Variants in GFRA2 observed in about 807,000 individuals in gnomAD.
GFRA2 encodes GDNF family receptor alpha 2.
In GFRA2, 17 loss-of-function variants were observed where a neutral mutation model predicts 48.3. The observed-to-expected ratio is 0.35, with a 90% CI of 0.24 to 0.53. The LOEUF (loss-of-function observed/expected upper bound fraction) is 0.53, where lower values mean the gene tolerates loss of function less well. Ranked by LOEUF, GFRA2 falls within the 20% of genes least tolerant of loss-of-function variation. GFRA2 has a pLI of 0.93. For missense variants in GFRA2, 660 were observed against 637.3 expected (o/e 1.04, Z -0.38); for synonymous variants, 305 against 257.2 (o/e 1.19, Z -1.78).
intron 4 of GFRA2, among the ~76,000 whole-genome samples, chr8:21,737,574 C>G (rs1343882896): frequency 6.6e-6 from 1 of 152,074 alleles, no homozygotes; most frequent in Non-Finnish European, 1.5e-5. Context: ...AAGCTCCAAC[C>G]TTACGCGCAC....
intron 2 of GFRA2, among the ~76,000 whole-genome samples, chr8:21,781,487 C>CT (rs902676200): frequency 1.3e-5 from 2 of 152,194 alleles, no homozygotes; most frequent in African/African-American, 2.4e-5. Context: ...TTTCGTGACT[C>CT]TGACTCACCC....
rs1221409991 is a variant in GFRA2, at chr8:21,788,532, C to T, written c.-373G>A. On this transcript the variant is annotated 5_prime_UTR_variant, in exon 1 of 9. Transcript: ENST00000524240. ...TTCCCCTGCGCTTCCCAGGAGGGGC[C>T]TGGGGAGGTGGGGAGAGAGGCGATT... is the stretch of plus-strand genomic sequence containing the variant. 4.7e-5 allele frequency: 48 copies of T among 1,030,754 alleles called. No homozygotes were observed. The African/African-American group carries it at 7.8e-4, about 17-fold the overall frequency. The allele number at this position is 1,030,754 out of a possible 1,614,324, so 63.9% of individuals were successfully genotyped here.
intron 4 of GFRA2, among the ~76,000 whole-genome samples, chr8:21,722,061 T>C (rs1323606420): frequency 6.6e-6 from 1 of 152,230 alleles, no homozygotes; most frequent in African/African-American, 2.4e-5. Flanking sequence ...CAATGTCTAT[T>C]ATAAATGACA....
At position 21,782,883 on chromosome 8, in the gene GFRA2, A is replaced by G; in HGVS notation, c.57T>C (p.Ser19=). The G allele has an allele frequency of 6.4e-7, 1 of 1,559,832 alleles. No homozygotes were observed. ...CCTGCAGGGAGGAAGGGCTGGCCAA[A>G]GAGCGGAGGGTCTCGTCTGGGTGGT... ...LFFFLDETLR[S]LASPSSLQGP... is the part of the protein sequence containing the mutation. Residue 19 remains serine (S), a synonymous_variant, in exon 2 of 9, where the codon TCT becomes TCC. Coordinates refer to ENST00000524240, the MANE Select transcript of GFRA2 (RefSeq NM_001495.5).
chr8:21,780,042 C>G (rs974689738), intron 2 of GFRA2, among the ~76,000 whole-genome samples: 1 of 147,894 alleles, frequency 6.8e-6, no homozygotes, highest in Non-Finnish European at 1.5e-5. Flanking sequence ...TTAAACTGCT[C>G]GATCCTCTCC....
chr8:21,740,714 A>T (rs1242504635), intron 4 of GFRA2, among the ~76,000 whole-genome samples: 1 of 152,144 alleles, frequency 6.6e-6, no homozygotes. Flanking sequence ...AGAATTTACA[A>T]CCTCAGTCAA....
intron 5 of GFRA2, 52 bp from the exon 6 acceptor site, chr8:21,705,177 C>T: frequency 6.4e-7 from 1 of 1,556,474 alleles, no homozygotes; most frequent in South Asian, 1.2e-5. Flanking sequence ...GGGGCCTTCC[C>T]CTTGGGCCCA....
intron 3 of GFRA2, among the ~76,000 whole-genome samples, chr8:21,760,744 G>A (rs1282811138): frequency 6.6e-6 from 1 of 152,192 alleles, no homozygotes; most frequent in Non-Finnish European, 1.5e-5. Flanking sequence ...AACTCAGTGA[G>A]GCGCCACAGG....
At position 21,788,840 on chromosome 8, in the gene GFRA2, C is replaced by T; in HGVS notation, c.-681G>A. 1 of 974,066 alleles carries T rather than the reference C, an allele frequency of 1.0e-6. No individual in the cohort carries two copies. The highest frequency in any genetic ancestry group is 4.7e-5 in the South Asian group (1 of 21,060). 60.3% of individuals were successfully genotyped at this position (974,066 alleles called of 1,614,324 possible). On this transcript the variant is annotated 5_prime_UTR_variant, in exon 1 of 9. Coordinates refer to ENST00000524240, the MANE Select transcript of GFRA2 (RefSeq NM_001495.5). ...TCTCCTCTCTCTCTCTCTCCTCTCC[C>T]TCGCTCGCTCTTTGCTCTCGCTCTC... is the stretch of plus-strand genomic sequence containing the variant.
At chr8:21,767,799 G>C (rs1806251025) in intron 3 of GFRA2, among the ~76,000 whole-genome samples, 1 of 152,206 alleles carries the variant, frequency 6.6e-6, no homozygotes, top group Non-Finnish European at 1.5e-5. Context: ...TTGGTTGTGG[G>C]AGGGGGCACT....
intron 1 of GFRA2, among the ~76,000 whole-genome samples, chr8:21,811,730 G>A (rs1457904782): frequency 1.6e-5 from 2 of 125,864 alleles, no homozygotes; most frequent in African/African-American, 3.1e-5. Flanking sequence ...GATCTGCCCC[G>A]GTGCCCCCCA....
chr8:21,748,737 C>T (rs1805129179), intron 4 of GFRA2, among the ~76,000 whole-genome samples: 1 of 152,150 alleles, frequency 6.6e-6, no homozygotes, highest in Non-Finnish European at 1.5e-5. Context: ...AGACAGAAAG[C>T]CTCTAGAACA....
chr8:21,796,065 A>T (rs1258705567), intron 2 of GFRA2, among the ~76,000 whole-genome samples: 1 of 152,202 alleles, frequency 6.6e-6, no homozygotes, highest in Non-Finnish European at 1.5e-5. Context: ...TAGCAGCAGG[A>T]GCTAAGCTAG....
At chr8:21,744,550 A>ACACACACACACAC (rs1206079453) in intron 4 of GFRA2, among the ~76,000 whole-genome samples, 1 of 140,144 alleles carries the variant, frequency 7.1e-6, no homozygotes, top group African/African-American at 2.9e-5. Context: ...AACCACCACC[A>ACACACACACACAC]ACACACACAC....
At chr8:21,744,196 AAG>A (rs1489274433) in intron 4 of GFRA2, among the ~76,000 whole-genome samples, 3 of 152,298 alleles carry the variant, frequency 2.0e-5, no homozygotes, top group South Asian at 2.1e-4. Flanking sequence ...CTGGGCAAGA[AAG>A]AGAGTGTGTG....
At chr8:21,704,020 C>A (rs1240203145) in intron 6 of GFRA2, among the ~76,000 whole-genome samples, 1 of 152,262 alleles carries the variant, frequency 6.6e-6, no homozygotes, top group African/African-American at 2.4e-5. Flanking sequence ...CTAAATGCCT[C>A]AGGCCTGCAA....
intron 7 of GFRA2, among the ~76,000 whole-genome samples, chr8:21,701,838 A>G (rs1283984157): frequency 1.3e-5 from 2 of 152,172 alleles, no homozygotes; most frequent in Non-Finnish European, 2.9e-5. Context: ...TGGGCCTCAG[A>G]ATCATCAGAG....
chr8:21,764,616 G>A (rs371826367), intron 3 of GFRA2, among the ~76,000 whole-genome samples: 16 of 152,294 alleles, frequency 1.1e-4, no homozygotes, highest in South Asian at 4.1e-4. Flanking sequence ...CTCCAGCCTC[G>A]CCAAAGGCTG....
intron 4 of GFRA2, among the ~76,000 whole-genome samples, chr8:21,722,404 A>G (rs538751275): frequency 6.6e-6 from 1 of 152,294 alleles, no homozygotes; most frequent in South Asian, 2.1e-4. Context: ...AAATACAGCA[A>G]ACTGCAGCTG....
Sources: allele counts gnomAD v4.1 joint callset (sites outside exome capture counted in the v4.1 genomes callset), GRCh38; gene constraint gnomAD v4.1.1; transcripts MANE v1.5; gene names NCBI Gene and HGNC (gene_info 2026-07-23, HGNC 2026-07-21).